CCDC60: variants seen among roughly 807,000 people sequenced by gnomAD.
CCDC60 encodes the protein coiled-coil domain-containing protein 60.
In CCDC60, 54 loss-of-function variants were observed where a neutral mutation model predicts 63.5. That is an observed-to-expected ratio of 0.85 (90% CI 0.68 to 1.07). The LOEUF (loss-of-function observed/expected upper bound fraction) is 1.07. CCDC60 is among the 50% of genes least tolerant of loss of function. The pLI is 0.00. For synonymous variants in CCDC60, 206 were observed against 238.8 expected, an observed-to-expected ratio of 0.86 and a Z score of 1.27; for missense variants, 651 against 684.3, an observed-to-expected ratio of 0.95 and a Z score of 0.54.
intron 1 of CCDC60, among the ~76,000 whole-genome samples, chr12:119,412,336 G>A (rs915367165): frequency 5.9e-5 from 9 of 151,986 alleles, no homozygotes; most frequent in African/African-American, 1.9e-4. Context: ...GGACCTTCAG[G>A]GGGTTCACTT....
chr12:119,503,110 G>A (rs1951896924), intron 6 of CCDC60, among the ~76,000 whole-genome samples: 1 of 152,178 alleles, frequency 6.6e-6, no homozygotes, highest in African/African-American at 2.4e-5. Context: ...CTGGGAGGCA[G>A]AGGTTGCAGT....
At chr12:119,522,852 A>C in intron 9 of CCDC60, 87 bp from the exon 10 acceptor site, 5 of 1,110,234 alleles carry the variant, frequency 4.5e-6, no homozygotes, top group Non-Finnish European at 6.9e-6. Context: ...GAATCCTGGA[A>C]GCTAGCAGGT....
chr12:119,432,314 A>G (rs1428114266), intron 2 of CCDC60, among the ~76,000 whole-genome samples: 2 of 152,214 alleles, frequency 1.3e-5, no homozygotes, highest in African/African-American at 4.8e-5. Context: ...CCAAAAGGGA[A>G]TTGCACTCTG....
At chr12:119,428,915 G>A in intron 2 of CCDC60, 153 bp downstream of exon 2, 1 of 555,354 alleles carries the variant, frequency 1.8e-6, no homozygotes. Context: ...GGGAGGAGCA[G>A]AGGGCAGGAT....
intron 1 of CCDC60, among the ~76,000 whole-genome samples, chr12:119,358,323 C>G (rs1426068059): frequency 6.6e-6 from 1 of 152,178 alleles, no homozygotes; most frequent in African/African-American, 2.4e-5. Context: ...CCTCCACCCT[C>G]ATGGATGGGA....
At chr12:119,402,835 T>C (rs1014472158) in intron 1 of CCDC60, among the ~76,000 whole-genome samples, 7 of 152,138 alleles carry the variant, frequency 4.6e-5, no homozygotes, top group Non-Finnish European at 1.0e-4. Flanking sequence ...AGTTTGGGGT[T>C]GTCTTGACAA....
intron 2 of CCDC60, among the ~76,000 whole-genome samples, chr12:119,457,717 G>C (rs569525948): frequency 3.3e-4 from 40 of 121,586 alleles, no homozygotes; most frequent in African/African-American, 1.1e-3. Flanking sequence ...GGTGGTTGGC[G>C]GGGGGGAGAA....
chr12:119,470,701 C>A (rs1000048627), intron 2 of CCDC60, among the ~76,000 whole-genome samples: 1 of 152,304 alleles, frequency 6.6e-6, no homozygotes. Context: ...CACCTTCAAA[C>A]AGGGAAAGAA....
Position 119,520,778 on chromosome 12 carries a change from G to A in CCDC60, c.1040+586G>A, listed in dbSNP as rs191368102. Among the ~76,000 whole-genome samples, 3 of 152,252 alleles carry A rather than the reference G, an allele frequency of 2.0e-5. No individual in the cohort carries two copies. The East Asian group carries it at 5.8e-4, about 29-fold the overall frequency. Reference sequence around the variant, plus strand: ...GCTGGTCTCAAACTCCTGACCTCAAGTGATCCACCTCCCTTGGCCTTCTAA... The same window carrying A: ...GCTGGTCTCAAACTCCTGACCTCAAATGATCCACCTCCCTTGGCCTTCTAA... On this transcript the variant is annotated intron_variant, in intron 9 of 13. Coordinates refer to ENST00000327554, the MANE Select transcript of CCDC60 (RefSeq NM_178499.5).
intron 7 of CCDC60, among the ~76,000 whole-genome samples, chr12:119,507,562 A>G (rs1162088175): frequency 1.5e-5 from 1 of 67,010 alleles, no homozygotes; most frequent in Non-Finnish European, 2.4e-5. Flanking sequence ...ATATATATAT[A>G]TATATATGTA....
In CCDC60 at chr12:119,456,002, AG is replaced by A. The variant is rs1950730757; in HGVS notation, c.171-15991del. ...GGGAGAGAGAAAGAGAGAGAGAAAGAGAAAGAAAGAAAGAAAGAAAGAAAGA... is the reference window on the plus strand; with the variant it reads ...GGGAGAGAGAAAGAGAGAGAGAAAGAAAAGAAAGAAAGAAAGAAAGAAAGA... On this transcript the variant is annotated intron_variant, in intron 2 of 13. Coordinates refer to ENST00000327554, the MANE Select transcript of CCDC60 (RefSeq NM_178499.5). This position sits in a 1 kb window ranked among gnomAD's most constrained non-coding sequence, Gnocchi z 4.6. Among the ~76,000 whole-genome samples the A allele has an allele frequency of 2.5e-5, 1 of 39,362 alleles. No individual in the cohort carries two copies. Among genetic ancestry groups the A allele is most frequent in the African/African-American group, 1.3e-4 (1 of 7,866 alleles). 25.8% of individuals were successfully genotyped at this position (39,362 alleles called of 152,430 possible). A position where few individuals can be genotyped will look rare whatever the true frequency, so the allele number is the denominator to read the frequency against.
intron 1 of CCDC60, among the ~76,000 whole-genome samples, chr12:119,405,256 G>T (rs1956466543): frequency 6.6e-6 from 1 of 152,178 alleles, no homozygotes; most frequent in South Asian, 2.1e-4. Flanking sequence ...ATCCTCATTG[G>T]TGGCAACTGC....
At chr12:119,392,561 A>G (rs1239268753) in intron 1 of CCDC60, among the ~76,000 whole-genome samples, 2 of 152,270 alleles carry the variant, frequency 1.3e-5, no homozygotes, top group East Asian at 1.9e-4. Flanking sequence ...CGCAGGGTGC[A>G]TAATAAGCAC....
intron 1 of CCDC60, among the ~76,000 whole-genome samples, chr12:119,355,664 G>A (rs544001480): frequency 6.6e-6 from 1 of 152,258 alleles, no homozygotes; most frequent in South Asian, 2.1e-4. Context: ...AGCAGCAGCA[G>A]AACTGATGCT....
chr12:119,527,837 C>T (rs1952730387), intron 11 of CCDC60, among the ~76,000 whole-genome samples: 1 of 151,576 alleles, frequency 6.6e-6, no homozygotes, highest in Admixed American at 6.6e-5. Context: ...CCACCACGCC[C>T]GGCTAATTTT....
intron 1 of CCDC60, among the ~76,000 whole-genome samples, chr12:119,363,460 CT>C (rs1473257898): frequency 6.0e-5 from 9 of 150,134 alleles, no homozygotes; most frequent in African/African-American, 2.0e-4. Context: ...CACGAAGTGC[CT>C]TTTTATTCCT....
At chr12:119,491,835 T>A (rs1474190750) in intron 5 of CCDC60, among the ~76,000 whole-genome samples, 1 of 152,034 alleles carries the variant, frequency 6.6e-6, no homozygotes, top group South Asian at 2.1e-4. Context: ...TCCTCCTACA[T>A]GTGGGCACCC....
At chr12:119,428,145 A>C (rs1165252275) in intron 1 of CCDC60, among the ~76,000 whole-genome samples, 2 of 152,148 alleles carry the variant, frequency 1.3e-5, no homozygotes, top group Non-Finnish European at 2.9e-5. Flanking sequence ...TCATTCATAA[A>C]CCTCCGCTAT....
At chr12:119,384,505 C>G (rs61938068) in intron 1 of CCDC60, among the ~76,000 whole-genome samples, 4 of 152,184 alleles carry the variant, frequency 2.6e-5, no homozygotes, top group African/African-American at 7.2e-5. Flanking sequence ...GTGTCAGCCC[C>G]ACTGACAGCA....
Sources: allele counts gnomAD v4.1 joint callset (sites outside exome capture counted in the v4.1 genomes callset), GRCh38; gene constraint gnomAD v4.1.1; non-coding constraint Gnocchi (gnomAD v3.1); transcripts MANE v1.5; gene names NCBI Gene and HGNC (gene_info 2026-07-23, HGNC 2026-07-21).